PITPNB: variants seen among roughly 807,000 people sequenced by gnomAD.
PITPNB encodes the protein phosphatidylinositol transfer protein beta, also known as phosphatidylinositol transfer protein beta isoform.
In PITPNB, 16 loss-of-function variants were observed where a neutral mutation model predicts 45.9. That is an observed-to-expected ratio of 0.35 (90% CI 0.24 to 0.53). The LOEUF is 0.53. Among genes scored for constraint, PITPNB ranks in the 20% least tolerant of loss-of-function variants. PITPNB has a pLI of 0.93. For synonymous variants in PITPNB, 112 were observed against 108.9 expected (o/e 1.03, Z -0.18); for missense variants, 188 against 330.5 (o/e 0.57, Z 3.34).
intron 3 of PITPNB, among the ~76,000 whole-genome samples, chr22:27,907,759 T>C (rs1935806379): frequency 6.6e-6 from 1 of 152,154 alleles, no homozygotes; most frequent in Non-Finnish European, 1.5e-5. Context: ...GGTGTGGGAT[T>C]TGAAATCAGA....
chr22:27,909,210 T>G (rs565375158), intron 3 of PITPNB, among the ~76,000 whole-genome samples: 55 of 136,956 alleles, frequency 4.0e-4, no homozygotes, highest in Admixed American at 6.1e-4. Context: ...GGTAGTACTT[T>G]TTTTTTTTTT....
At position 27,887,439 on chromosome 22, in the gene PITPNB, G is replaced by A. The variant is rs530377290; in HGVS notation, c.456+7116C>T. 2.0e-5 allele frequency among the ~76,000 whole-genome samples: 3 copies of A among 152,230 alleles called. No homozygotes were observed. The South Asian group carries it at 6.2e-4, about 32-fold the overall frequency. On this transcript the variant is annotated intron_variant, in intron 7 of 11. Transcript: ENST00000335272. ...AGAGCTGGGGCTGACTGAAGGGGTA[G>A]GATCTGGATCTGGCCATTCAACCAT...
At chr22:27,897,165 G>A (rs1204625736) in intron 4 of PITPNB, 28 bp from the exon 5 acceptor site, 1 of 1,529,068 alleles carries the variant, frequency 6.5e-7, no homozygotes, top group East Asian at 2.2e-5. Flanking sequence ...GGTAGGTAAT[G>A]AAAGGAGAAA....
chr22:27,907,094 G>A (rs1285742064), intron 3 of PITPNB, among the ~76,000 whole-genome samples: 3 of 152,128 alleles, frequency 2.0e-5, no homozygotes, highest in Non-Finnish European at 2.9e-5. Flanking sequence ...ATATAGTGAC[G>A]GTGCACCCAG....
chr22:27,901,847 G>A (rs1404450134), intron 3 of PITPNB, among the ~76,000 whole-genome samples: 4 of 151,988 alleles, frequency 2.6e-5, no homozygotes, highest in Non-Finnish European at 1.5e-5. Flanking sequence ...TCACACCACT[G>A]TACTTCAGCC....
chr22:27,888,810 T>C (rs1935195156), intron 7 of PITPNB, among the ~76,000 whole-genome samples: 1 of 152,136 alleles, frequency 6.6e-6, no homozygotes, highest in African/African-American at 2.4e-5. Context: ...GAACAAGTAG[T>C]GTGTTGGAAC....
chr22:27,881,000 T>C (rs1026161047), intron 7 of PITPNB, among the ~76,000 whole-genome samples: 2 of 152,228 alleles, frequency 1.3e-5, no homozygotes, highest in East Asian at 3.8e-4. Context: ...GAGGGCACTA[T>C]CCAACCATGC....
At chr22:27,876,947 C>G (rs967173066) in intron 7 of PITPNB, among the ~76,000 whole-genome samples, 1 of 152,200 alleles carries the variant, frequency 6.6e-6, no homozygotes, top group Non-Finnish European at 1.5e-5. Flanking sequence ...CTGCAGACTT[C>G]TCATCTCATT....
intron 3 of PITPNB, among the ~76,000 whole-genome samples, chr22:27,903,640 G>C (rs1000053808): frequency 6.6e-6 from 1 of 151,632 alleles, no homozygotes; most frequent in Non-Finnish European, 1.5e-5. Context: ...GCAGAGCACA[G>C]TGGTGCACAC....
intron 8 of PITPNB, among the ~76,000 whole-genome samples, chr22:27,861,643 A>T (rs746194226): frequency 6.6e-6 from 1 of 152,244 alleles, no homozygotes; most frequent in Non-Finnish European, 1.5e-5. Flanking sequence ...CAGAAGGCAC[A>T]TATCAAAGCA....
chr22:27,890,357 A>AT (rs35291498), intron 7 of PITPNB, among the ~76,000 whole-genome samples: 15,121 of 148,304 alleles, frequency 0.1, 867 homozygotes, highest in African/African-American at 0.17. Flanking sequence ...TACTGGAATT[A>AT]TTTTTTTTTT....
intron 3 of PITPNB, among the ~76,000 whole-genome samples, chr22:27,905,775 A>G (rs1251133760): frequency 6.6e-6 from 1 of 152,234 alleles, no homozygotes; most frequent in Non-Finnish European, 1.5e-5. Context: ...GAAATAATAA[A>G]GCTGACTTTC....
intron 1 of PITPNB, among the ~76,000 whole-genome samples, chr22:27,918,557 C>G (rs147529859): frequency 0.014 from 2,178 of 152,336 alleles, 36 homozygotes; most frequent in South Asian, 0.045. Context: ...GGGATGTCAC[C>G]TCATCTTAAA....
chr22:27,853,765 G>T, intron 11 of PITPNB, 102 bp from the exon 12 acceptor site: 1 of 826,696 alleles, frequency 1.2e-6, no homozygotes, highest in East Asian at 2.7e-5. Flanking sequence ...AAAACTTTTG[G>T]CAGAAAATGT....
At chr22:27,895,072 G>T (rs1935396356) in intron 6 of PITPNB, among the ~76,000 whole-genome samples, 1 of 152,264 alleles carries the variant, frequency 6.6e-6, no homozygotes, top group East Asian at 1.9e-4. Flanking sequence ...TCCAAAATTT[G>T]ATTATCCTAA....
In PITPNB at chr22:27,896,561, T is replaced by C. The variant is rs1935438987; in HGVS notation, c.363A>G (p.Thr121=). The change falls in exon 6 of 12, where the codon ACA becomes ACG. Residue 121 remains threonine (T), a synonymous_variant. Transcript: ENST00000335272. ...IETWHKPDLG[T]LENVHGLDPN... ...CAGAGTTGAAACTTACATTTTCTAA[T>C]GTTCCCAAGTCTGGTTTGTGCCATG... 6.2e-7 allele frequency: 1 copy of C among 1,607,092 alleles called. No homozygotes were observed. The highest frequency in any genetic ancestry group is 1.7e-4 in the Middle Eastern group (1 of 6,054).
chr22:27,905,054 G>A (rs1935716786), intron 3 of PITPNB, among the ~76,000 whole-genome samples: 5 of 152,144 alleles, frequency 3.3e-5, no homozygotes, highest in African/African-American at 1.2e-4. Flanking sequence ...AAAACTTTAG[G>A]ACTAAACTAC....
At chr22:27,907,048 G>A in intron 3 of PITPNB, among the ~76,000 whole-genome samples, 1 of 152,152 alleles carries the variant, frequency 6.6e-6, no homozygotes, top group Admixed American at 6.5e-5. Context: ...ATAAGGCCTT[G>A]GTGGCCTTAG....
rs763425793 is a variant in PITPNB, at chr22:27,910,957, C to G, written c.197+7G>C. 6.2e-7 allele frequency: 1 copy of G among 1,610,868 alleles called. No individual in the cohort carries two copies. The highest frequency in any genetic ancestry group is 1.7e-5 in the Admixed American group (1 of 59,976). On this transcript the variant is annotated splice_region_variant and intron_variant, in intron 3 of 11. Transcript: ENST00000335272. ...GTTACAAGGCGTCAAATGTGAACAC[C>G]GCTTACCTCTTTAGGTGATAAATTT...
Sources: gnomAD v4.1 joint callset for allele counts (sites outside exome capture counted in the v4.1 genomes callset) on GRCh38, gnomAD v4.1.1 for gene constraint, MANE v1.5 for transcripts, NCBI Gene and HGNC (gene_info 2026-07-23, HGNC 2026-07-21) for gene names.